RNF212B: variants seen among roughly 807,000 people sequenced by gnomAD.
The protein encoded by RNF212B is E3 ubiquitin-protein ligase RNF212B.
RNF212B carries 52 observed loss-of-function variants against 55.5 expected under a neutral mutation model. The observed-to-expected ratio is 0.94, with a 90% confidence interval of 0.75 to 1.18. The LOEUF is 1.18. Among genes scored for constraint, RNF212B ranks in the 50% most tolerant of loss-of-function variants. The pLI is 0.00. For missense variants in RNF212B, 289 were observed against 350.4 expected, an observed-to-expected ratio of 0.82 and a Z score of 1.40; for synonymous variants, 99 against 121.4, an observed-to-expected ratio of 0.82 and a Z score of 1.21.
At chr14:23,208,291 TCACTGGAGGCCAGGAGTTTGAGA>T (rs1555310698) in intron 2 of RNF212B, among the ~76,000 whole-genome samples, 1 of 152,100 alleles carries the variant, frequency 6.6e-6, no homozygotes, top group Non-Finnish European at 1.5e-5. Context: ...GACGAGAAGA[TCACTGGAGGCCAGGAGTTTGAGA>T]CCCTGTCCCT....
At position 23,262,978 on chromosome 14, in the gene RNF212B, T is replaced by C; in HGVS notation, c.524+8T>C. Reference sequence around the variant, plus strand: ...TAGCAGTCAAGTGGTCAGGTAAACCTACACAGCAACATTAAAACTGTTGGC... The same window carrying C: ...TAGCAGTCAAGTGGTCAGGTAAACCCACACAGCAACATTAAAACTGTTGGC... On this transcript the variant is annotated splice_region_variant and intron_variant, in intron 9 of 14. Transcript: ENST00000430154. The C allele has an allele frequency of 6.5e-7, 1 of 1,549,736 alleles. No homozygotes were observed. The highest frequency in any genetic ancestry group is 1.2e-5 in the South Asian group (1 of 84,058).
At chr14:23,267,413 A>C (rs1885784147) in intron 11 of RNF212B, among the ~76,000 whole-genome samples, 1 of 151,684 alleles carries the variant, frequency 6.6e-6, no homozygotes, top group South Asian at 2.1e-4. Flanking sequence ...ATCATTATTT[A>C]ATGCCTTTGT....
intron 2 of RNF212B, among the ~76,000 whole-genome samples, chr14:23,199,269 CAGT>C (rs1879043868): frequency 6.6e-6 from 1 of 152,172 alleles, no homozygotes; most frequent in Non-Finnish European, 1.5e-5. Flanking sequence ...TACATTGGTT[CAGT>C]CTGGAAAGGC....
chr14:23,186,115 A>AAAAC (rs924355455), intron 1 of RNF212B, among the ~76,000 whole-genome samples: 5 of 152,038 alleles, frequency 3.3e-5, no homozygotes, highest in African/African-American at 9.7e-5. Context: ...AAACCAAACC[A>AAAAC]AAACAAACAA....
At position 23,240,360 on chromosome 14, in the gene RNF212B, T is replaced by C. The variant is rs778145169; in HGVS notation, c.15T>C (p.His5=). 26 of 1,548,952 alleles carry C rather than the reference T, an allele frequency of 1.7e-5. No individual in the cohort carries two copies. The Admixed American group carries it at 3.1e-4, about 19-fold the overall frequency. MDWF[H]CNQCFRKDGA... Reference sequence around the variant, plus strand: ...TCTGCTCCAGAATGGATTGGTTTCATTGCAACCAGTGCTTCCGAAAAGATG... The same window carrying C: ...TCTGCTCCAGAATGGATTGGTTTCACTGCAACCAGTGCTTCCGAAAAGATG... The change falls in exon 2 of 15, where the codon CAT becomes CAC. Residue 5 remains histidine, a synonymous_variant. Coordinates refer to ENST00000430154, the MANE Select transcript of RNF212B (RefSeq NM_001282322.3).
intron 2 of RNF212B, among the ~76,000 whole-genome samples, chr14:23,216,696 A>G (rs1799460230): frequency 6.6e-6 from 1 of 151,988 alleles, no homozygotes; most frequent in South Asian, 2.1e-4. Flanking sequence ...CTTGGGCAAC[A>G]TGGTGAAACC....
At chr14:23,209,124 C>G (rs146965230) in intron 2 of RNF212B, among the ~76,000 whole-genome samples, 9,101 of 152,168 alleles carry the variant, frequency 0.06, 918 homozygotes, top group African/African-American at 0.21. Flanking sequence ...TTCATGCCTC[C>G]CCTTTTTAGA....
chr14:23,252,217 G>A (rs1294256687), intron 4 of RNF212B, among the ~76,000 whole-genome samples: 1 of 151,816 alleles, frequency 6.6e-6, no homozygotes, highest in Non-Finnish European at 1.5e-5. Flanking sequence ...ACACATTCAG[G>A]TATGGTTGAA....
chr14:23,195,572 C>T (rs1878578441), intron 2 of RNF212B, among the ~76,000 whole-genome samples: 1 of 152,164 alleles, frequency 6.6e-6, no homozygotes, highest in Admixed American at 6.6e-5. Flanking sequence ...TTCTCCCCTA[C>T]TTCATGCACT....
intron 1 of RNF212B, among the ~76,000 whole-genome samples, chr14:23,190,466 T>A (rs1878017639): frequency 6.6e-6 from 1 of 152,234 alleles, no homozygotes; most frequent in South Asian, 2.1e-4. Flanking sequence ...GGAGTCAACC[T>A]TGACTTATCT....
At chr14:23,210,932 G>T (rs1271676628) in intron 2 of RNF212B, among the ~76,000 whole-genome samples, 7 of 151,906 alleles carry the variant, frequency 4.6e-5, no homozygotes, top group Admixed American at 1.3e-4. Flanking sequence ...AAAAGATAAT[G>T]AATAAGATAA....
At chr14:23,224,342 C>A (rs887916764) in intron 2 of RNF212B, among the ~76,000 whole-genome samples, 4 of 152,034 alleles carry the variant, frequency 2.6e-5, no homozygotes, top group Non-Finnish European at 5.9e-5. Flanking sequence ...TATTATCTGA[C>A]TTCAAATTAT....
intron 13 of RNF212B, among the ~76,000 whole-genome samples, chr14:23,270,228 A>G (rs1003070596): frequency 6.6e-6 from 1 of 152,176 alleles, no homozygotes; most frequent in African/African-American, 2.4e-5. Context: ...TGGCTTCTCA[A>G]AAGTCCCTAT....
At chr14:23,200,099 G>T (rs1879142020) in intron 2 of RNF212B, among the ~76,000 whole-genome samples, 1 of 151,088 alleles carries the variant, frequency 6.6e-6, no homozygotes, top group Admixed American at 6.6e-5. Flanking sequence ...TCTCTCTCTA[G>T]TTTCCCATTT....
At chr14:23,248,021 CG>C (rs1884112144) in intron 4 of RNF212B, among the ~76,000 whole-genome samples, 1 of 152,054 alleles carries the variant, frequency 6.6e-6, no homozygotes, top group Admixed American at 6.5e-5. Context: ...GATTCAGTGT[CG>C]GGGGAGGGCT....
intron 2 of RNF212B, among the ~76,000 whole-genome samples, chr14:23,242,081 CAAAAAAAAAAAAAAAA>C (rs58497672): frequency 2.7e-5 from 1 of 36,646 alleles, no homozygotes; most frequent in African/African-American, 1.1e-4. Context: ...GACTCCGTCT[CAAAAAAAAAAAAAAAA>C]AAAAAAAAAA....
intron 2 of RNF212B, among the ~76,000 whole-genome samples, chr14:23,212,174 A>G (rs575633920): frequency 2.6e-4 from 39 of 152,368 alleles, no homozygotes; most frequent in African/African-American, 9.4e-4. Flanking sequence ...AGCCAGCCTT[A>G]TACATAATGG....
chr14:23,243,906 C>T (rs1185970389), intron 3 of RNF212B, among the ~76,000 whole-genome samples: 2 of 151,512 alleles, frequency 1.3e-5, no homozygotes, highest in East Asian at 1.9e-4. Context: ...AGGAAACCCT[C>T]GTCTCTACTA....
chr14:23,200,249 T>C (rs1879158670), intron 2 of RNF212B, among the ~76,000 whole-genome samples: 1 of 152,096 alleles, frequency 6.6e-6, no homozygotes, highest in Admixed American at 6.6e-5. Flanking sequence ...AGGAGGAATC[T>C]CAGATAAGAT....
Sources: gnomAD v4.1 joint callset for allele counts (sites outside exome capture counted in the v4.1 genomes callset) on GRCh38, gnomAD v4.1.1 for gene constraint, MANE v1.5 for transcripts, NCBI Gene and HGNC (gene_info 2026-07-23, HGNC 2026-07-21) for gene names.